The following USF3 variants were observed in gnomAD, a reference collection of about 807,000 sequenced individuals.
USF3 encodes the protein basic helix-loop-helix domain-containing protein USF3.
A neutral mutation model predicts 157.5 loss-of-function variants in USF3; 29 were observed. That is an observed-to-expected ratio of 0.18 (90% CI 0.14 to 0.25). USF3 has a LOEUF of 0.25. Ranked by LOEUF, USF3 falls within the 10% of genes least tolerant of loss-of-function variation. USF3 has a pLI of 1.00. For synonymous variants in USF3, 893 were observed against 941.4 expected, an observed-to-expected ratio of 0.95 and a Z score of 0.94; for missense variants, 2,381 against 2,667.6, an observed-to-expected ratio of 0.89 and a Z score of 2.37.
chr3:113,664,548 C>T (rs1198956940), intron 5 of USF3, 139 bp from the exon 6 acceptor site: 5 of 531,902 alleles, frequency 9.4e-6, no homozygotes, highest in Non-Finnish European at 1.7e-5. Flanking sequence ...TATTCAAAAG[C>T]TTCTACTGTA....
rs777553105 is a variant in USF3, at chr3:113,661,404, C to T, written c.278G>A (p.Arg93Gln). 11 of 1,556,364 alleles carry T rather than the reference C, an allele frequency of 7.1e-6. No individual in the cohort carries two copies. Among genetic ancestry groups the T allele is most frequent in the African/African-American group, 2.8e-5 (2 of 71,902 alleles). ...NEQAEEIKKL[R>Q]KQLEEIQKEN... ...TTTTTGGATTTCTTCCAGTTGTTTC[C>T]GTAGCTTTTTTATTTCTTCAGCTAT... Residue 93 changes from arginine (R) to glutamine (Q), a missense_variant, in exon 7 of 7, where the codon CGG (arginine) becomes CAG (glutamine). Physicochemically the swap from Arg to Gln is conservative, Grantham distance 43. Around this residue, in one of 6 missense-constraint regions of USF3, gnomAD observed 105 missense variants for 158.6 expected, o/e 0.66. Transcript: ENST00000316407.
chr3:113,682,892 C>CTT (rs1172015682), intron 1 of USF3, among the ~76,000 whole-genome samples: 16 of 120,162 alleles, frequency 1.3e-4, no homozygotes, highest in South Asian at 7.8e-4. Flanking sequence ...GATCGCTGGG[C>CTT]TTTTTTTTTT....
In USF3 at chr3:113,661,161, T is replaced by G; in HGVS notation, c.521A>C (p.His174Pro). The part of the protein sequence containing the change: ...AVQGITFNVS[H>P]NLQKQTANVV... ...ATTGGCGGTCTGCTTTTGTAAATTA[T>G]GACTAACATTAAAAGTTATCCCCTG... is the stretch of plus-strand genomic sequence containing the variant. The change falls in exon 7 of 7, where the codon CAT becomes CCT. Residue 174 changes from histidine to proline, a missense_variant. By Grantham distance (77) the His-to-Pro change is moderately conservative. Around this residue, in one of 6 missense-constraint regions of USF3, gnomAD observed 1,435 missense variants for 1,550.9 expected, o/e 0.93. Coordinates refer to ENST00000316407, the MANE Select transcript of USF3 (RefSeq NM_001009899.4). The G allele has an allele frequency of 1.2e-6, 2 of 1,614,232 alleles. No homozygotes were observed. Among genetic ancestry groups the G allele is most frequent in the South Asian group, 2.2e-5 (2 of 91,090 alleles).
intron 1 of USF3, among the ~76,000 whole-genome samples, chr3:113,696,160 G>A (rs1004008080): frequency 6.6e-6 from 1 of 152,332 alleles, no homozygotes; most frequent in South Asian, 2.1e-4. Context: ...CGGGAGATGA[G>A]GGGTGCGCTC....
In USF3 at chr3:113,655,787, A is replaced by G; in HGVS notation, c.5895T>C (p.Pro1965=). ...SVSHGNGDQG[P]AVRQANSSVP... is the part of the protein sequence containing the mutation. ...CTGAAGAATTAGCTTGACGTACAGC[A>G]GGGCCTTGATCGCCATTTCCATGAG... The change falls in exon 7 of 7, where the codon CCT becomes CCC. Residue 1965 remains proline, a synonymous_variant. Transcript: ENST00000316407. 3.1e-6 allele frequency: 5 copies of G among 1,614,152 alleles called. No individual in the cohort carries two copies. The highest frequency in any genetic ancestry group is 4.2e-6 in the Non-Finnish European group (5 of 1,180,034).
chr3:113,670,051 TA>T, intron 5 of USF3, 69 bp downstream of exon 5: 1 of 1,002,400 alleles, frequency 1.0e-6, no homozygotes, highest in Non-Finnish European at 1.6e-6. Flanking sequence ...ATAATCATTC[TA>T]AGCACCAAAA....
At chr3:113,669,360 G>A (rs977587934) in intron 5 of USF3, among the ~76,000 whole-genome samples, 1 of 151,240 alleles carries the variant, frequency 6.6e-6, no homozygotes, top group Non-Finnish European at 1.5e-5. Flanking sequence ...ATTTGCCTCT[G>A]AGGAGCTATG....
At chr3:113,688,787 C>T (rs377715731) in intron 1 of USF3, among the ~76,000 whole-genome samples, 16 of 152,058 alleles carry the variant, frequency 1.1e-4, no homozygotes, top group African/African-American at 2.2e-4. Flanking sequence ...ACGCCTGTAA[C>T]CCCAGCACTT....
chr3:113,681,571 T>G (rs1707429999), intron 1 of USF3, among the ~76,000 whole-genome samples: 1 of 149,356 alleles, frequency 6.7e-6, no homozygotes, highest in Admixed American at 6.6e-5. Flanking sequence ...TTTTTTTTTT[T>G]TTGTATTTTT....
At chr3:113,663,735 C>T (rs1426114163) in intron 6 of USF3, among the ~76,000 whole-genome samples, 1 of 152,198 alleles carries the variant, frequency 6.6e-6, no homozygotes, top group African/African-American at 2.4e-5. Context: ...ATTTTTTTCC[C>T]GCTGCTATAA....
Position 113,652,108 on chromosome 3 carries a change from A to AGAGAGAGAGTGTGTGTGTGTGTGTGT in USF3, c.*2835_*2836insACACACACACACACACACTCTCTCTC, listed in dbSNP as rs1266464109. 1 of 141,978 alleles carries AGAGAGAGAGTGTGTGTGTGTGTGTGT rather than the reference A, an allele frequency of 7.0e-6. No homozygotes were observed. The highest frequency in any genetic ancestry group is 2.6e-5 in the African/African-American group (1 of 38,276). The allele number at this position is 141,978 out of a possible 1,614,324, so 8.8% of individuals were successfully genotyped here. On this transcript the variant is annotated 3_prime_UTR_variant, in exon 7 of 7. Coordinates refer to ENST00000316407, the MANE Select transcript of USF3 (RefSeq NM_001009899.4). The stretch of plus-strand genomic sequence containing the variant: ...TGGAGAGAGAGAGAGAGAGAGAGAG[A>AGAGAGAGAGTGTGTGTGTGTGTGTGT]GTGTGTGTGTGTGTGTGTGTGTGTG...
At chr3:113,678,073 T>C (rs775397116) in intron 1 of USF3, among the ~76,000 whole-genome samples, 9 of 150,582 alleles carry the variant, frequency 6.0e-5, no homozygotes, top group Non-Finnish European at 3.0e-5. Flanking sequence ...CTTTCTCTCT[T>C]TCTTTTTTGT....
chr3:113,673,396 T>A lies in USF3; in HGVS notation c.48-20A>T, dbSNP rs760447492. The A allele has an allele frequency of 6.6e-7, 1 of 1,526,218 alleles. No homozygotes were observed. The highest frequency in any genetic ancestry group is 9.1e-7 in the Non-Finnish European group (1 of 1,103,212). 94.5% of individuals were successfully genotyped at this position (1,526,218 alleles called of 1,614,324 possible). ...TTCTTTCTGAAACAAAAAGTACAGA[T>A]AAAAGGTAACATGAAAATAATGGGA... On this transcript the variant is annotated intron_variant, in intron 3 of 6. Coordinates refer to ENST00000316407, the MANE Select transcript of USF3 (RefSeq NM_001009899.4).
In USF3 at chr3:113,661,210, C is replaced by T; in HGVS notation, c.472G>A (p.Gly158Arg). Residue 158 changes from glycine to arginine, a missense_variant, in exon 7 of 7, where the codon GGA becomes AGA. Transcript: ENST00000316407. ...TGAACAGCTGTTCCCTGGCTGTTTCCACCAGGCTGATTCCCGTTGGAATAA... is the reference window on the plus strand; with the variant it reads ...TGAACAGCTGTTCCCTGGCTGTTTCTACCAGGCTGATTCCCGTTGGAATAA... ...IVYSNGNQPG[G>R]NSQGTAVQGI... The T allele has an allele frequency of 4.3e-6, 7 of 1,614,116 alleles. No individual in the cohort carries two copies. Among genetic ancestry groups the T allele is most frequent in the Non-Finnish European group, 5.1e-6 (6 of 1,179,994 alleles).
chr3:113,673,319 C>T (rs771225982), intron 4 of USF3, 29 bp downstream of exon 4: 7 of 1,551,852 alleles, frequency 4.5e-6, no homozygotes, highest in Non-Finnish European at 4.4e-6. Flanking sequence ...GCAAAAAATG[C>T]TAACAGGTAA....
In USF3 at chr3:113,653,843, T is replaced by A. The variant is rs893495424; in HGVS notation, c.*1101A>T. 1.3e-5 allele frequency: 2 copies of A among 152,218 alleles called. No homozygotes were observed. Among genetic ancestry groups the A allele is most frequent in the Non-Finnish European group, 2.9e-5 (2 of 68,014 alleles). 9.4% of individuals were successfully genotyped at this position (152,218 alleles called of 1,614,324 possible). ...AACAAGAAAAATAACAAATTCATAT[T>A]CTCATTATAATTCTGTTATGAAGGA... On this transcript the variant is annotated 3_prime_UTR_variant, in exon 7 of 7. Coordinates refer to ENST00000316407, the MANE Select transcript of USF3 (RefSeq NM_001009899.4).
chr3:113,665,901 G>T (rs1947557770), intron 5 of USF3, among the ~76,000 whole-genome samples: 1 of 150,904 alleles, frequency 6.6e-6, no homozygotes, highest in Admixed American at 6.6e-5. Context: ...ATATATCTTG[G>T]CGGCCGGGTA....
chr3:113,649,984 T>C lies in USF3; in HGVS notation c.*4960A>G. 1 of 641,306 alleles carries C rather than the reference T, an allele frequency of 1.6e-6. No homozygotes were observed. The highest frequency in any genetic ancestry group is 2.8e-6 in the Non-Finnish European group (1 of 359,610). 39.7% of individuals were successfully genotyped at this position (641,306 alleles called of 1,614,324 possible). On this transcript the variant is annotated 3_prime_UTR_variant, in exon 7 of 7. Coordinates refer to ENST00000316407, the MANE Select transcript of USF3 (RefSeq NM_001009899.4). ...CTTGAGAAGAAACTAACTTCTGCCTTTAATTTGCATATAAGTATCATAAAA... is the reference window on the plus strand; with the variant it reads ...CTTGAGAAGAAACTAACTTCTGCCTCTAATTTGCATATAAGTATCATAAAA...
rs1279088056 is a variant in USF3, at chr3:113,661,428, A to G, written c.257-3T>C. The stretch of plus-strand genomic sequence containing the variant: ...CCGTAGCTTTTTTATTTCTTCAGCT[A>G]TAATATTAAAAACAAAAATTTATAA... On this transcript the variant is annotated splice_polypyrimidine_tract_variant and splice_region_variant and intron_variant, in intron 6 of 6. Transcript: ENST00000316407. 6.6e-7 allele frequency: 1 copy of G among 1,521,904 alleles called. No homozygotes were observed. 94.3% of individuals were successfully genotyped at this position (1,521,904 alleles called of 1,614,324 possible).
Sources: gnomAD v4.1 joint callset for allele counts (sites outside exome capture counted in the v4.1 genomes callset) on GRCh38, gnomAD v4.1.1 for gene constraint, gnomAD v4.1.1 regional missense constraint, MANE v1.5 for transcripts, NCBI Gene and HGNC (gene_info 2026-07-23, HGNC 2026-07-21) for gene names.